KCNT2: variants seen among roughly 807,000 people sequenced by gnomAD.
The protein encoded by KCNT2 is potassium channel subfamily T member 2.
In KCNT2, 67 loss-of-function variants were observed where a neutral mutation model predicts 153.8. The ratio of observed to expected loss-of-function variants is 0.44; its 90% confidence interval spans 0.36 to 0.53. KCNT2 has a LOEUF of 0.53. KCNT2 is among the 20% of genes least tolerant of loss of function. The probability of loss-of-function intolerance (pLI) is 0.00; values close to 1 mark genes in which losing one functional copy is unlikely to be tolerated. For synonymous variants in KCNT2, 500 were observed against 458.8 expected (o/e 1.09, Z -1.15); for missense variants, 975 against 1,354.8 (o/e 0.72, Z 4.40).
intron 12 of KCNT2, among the ~76,000 whole-genome samples, chr1:196,417,983 C>T (rs1490817155): frequency 2.6e-5 from 4 of 151,950 alleles, no homozygotes; most frequent in African/African-American, 4.8e-5. Flanking sequence ...GACTGTAGTT[C>T]GATAATTTTT....
At chr1:196,345,396 C>CAG (rs138636310) in intron 14 of KCNT2, among the ~76,000 whole-genome samples, 7,540 of 152,138 alleles carry the variant, frequency 0.05, 280 homozygotes, top group Non-Finnish European at 0.071. Context: ...TTCCCTGAGA[C>CAG]AGTTAATGCT....
chr1:196,444,064 G>T (rs1430963669), intron 8 of KCNT2, among the ~76,000 whole-genome samples: 1 of 151,366 alleles, frequency 6.6e-6, no homozygotes, highest in African/African-American at 2.4e-5. Flanking sequence ...TTTAATGGTG[G>T]CTTACAGAAG....
intron 20 of KCNT2, chr1:196,317,057 T>C (rs1218154374): frequency 2.0e-5 from 4 of 203,690 alleles, no homozygotes; most frequent in Non-Finnish European, 2.1e-5. Context: ...CCTGAGGATC[T>C]TTTCCAAGTG....
At chr1:196,428,542 T>C (rs1673853340) in intron 9 of KCNT2, among the ~76,000 whole-genome samples, 1 of 152,104 alleles carries the variant, frequency 6.6e-6, no homozygotes, top group African/African-American at 2.4e-5. Flanking sequence ...TACCTCTGCT[T>C]TATGTCCAGT....
Position 196,435,153 on chromosome 1 carries a change from A to ATG in KCNT2, c.639-5397_639-5396insCA, listed in dbSNP as rs1484415216. ...TGTGTGTGTATGTATATATATATAT[A>ATG]TATATATATATATATATATATATAT... On this transcript the variant is annotated intron_variant, in intron 8 of 27. Coordinates refer to ENST00000294725, the MANE Select transcript of KCNT2 (RefSeq NM_198503.5). Among the ~76,000 whole-genome samples, 472 of 109,768 alleles carry ATG rather than the reference A, an allele frequency of 4.3e-3. 7 individuals are homozygous for ATG. Among genetic ancestry groups the ATG allele is most frequent in the Non-Finnish European group, 7.4e-3 (351 of 47,396 alleles). The allele number at this position is 109,768 out of a possible 152,430, so 72.0% of individuals were successfully genotyped here. A position where few individuals can be genotyped will look rare whatever the true frequency, so the allele number is the denominator to read the frequency against.
At chr1:196,242,584 A>C (rs1378210045) in intron 26 of KCNT2, among the ~76,000 whole-genome samples, 1 of 152,162 alleles carries the variant, frequency 6.6e-6, no homozygotes, top group Non-Finnish European at 1.5e-5. Context: ...TTTTATGATC[A>C]GTTGATAATT....
chr1:196,597,075 T>A (rs1157367774), intron 1 of KCNT2, among the ~76,000 whole-genome samples: 2 of 152,162 alleles, frequency 1.3e-5, no homozygotes, highest in Non-Finnish European at 2.9e-5. Flanking sequence ...AATTAGTTAG[T>A]CCAATATAGG....
intron 22 of KCNT2, among the ~76,000 whole-genome samples, chr1:196,300,654 G>T (rs1383984046): frequency 6.6e-6 from 1 of 152,052 alleles, no homozygotes; most frequent in East Asian, 1.9e-4. Flanking sequence ...TAATAATTCT[G>T]TACAGCTGTC....
intron 1 of KCNT2, among the ~76,000 whole-genome samples, chr1:196,596,996 G>A (rs1220142950): frequency 6.6e-6 from 1 of 152,054 alleles, no homozygotes; most frequent in Non-Finnish European, 1.5e-5. Context: ...CACCCACCCA[G>A]CCCTTACAAA....
chr1:196,425,892 G>T lies in KCNT2; in HGVS notation c.1081C>A (p.Gln361Lys), dbSNP rs1185400835. ...TCTTGATCTTTAAGGGCTGAACCTT[G>T]AAGGTAGATAACTCGTTGGGACCAC... Reference protein sequence around the residue: ...PMWSQRVIYLQGSALKDQDLL... With the variant: ...PMWSQRVIYLKGSALKDQDLL... The change falls in exon 11 of 28, where the codon CAA (glutamine) becomes AAA (lysine). Residue 361 changes from glutamine (Q) to lysine (K), a missense_variant. Physicochemically the swap from Gln to Lys is moderately conservative, Grantham distance 53 (BLOSUM62 1). This residue lies in a region of KCNT2 where 202 missense variants were observed against 314.9 expected (regional missense o/e 0.64). Transcript: ENST00000294725. 6.2e-7 allele frequency: 1 copy of T among 1,612,294 alleles called. No individual in the cohort carries two copies. The highest frequency in any genetic ancestry group is 1.7e-5 in the Admixed American group (1 of 59,884).
chr1:196,231,764 G>C (rs1168306785), intron 27 of KCNT2, among the ~76,000 whole-genome samples: 1 of 151,738 alleles, frequency 6.6e-6, no homozygotes, highest in Non-Finnish European at 1.5e-5. Context: ...ACAAAGGTAG[G>C]AAACAGGTAA....
chr1:196,606,822 T>C (rs1334498297), intron 1 of KCNT2, among the ~76,000 whole-genome samples: 2 of 152,208 alleles, frequency 1.3e-5, no homozygotes, highest in African/African-American at 4.8e-5. Context: ...CTACACTTAC[T>C]AAGCCATTTA....
intron 22 of KCNT2, among the ~76,000 whole-genome samples, chr1:196,298,405 A>G (rs901023247): frequency 3.3e-5 from 5 of 152,198 alleles, no homozygotes; most frequent in African/African-American, 1.2e-4. Flanking sequence ...CAGAACAACA[A>G]AAGCACTATG....
chr1:196,284,248 A>AAAAAAAAAAAAT, intron 23 of KCNT2, among the ~76,000 whole-genome samples: 2 of 10,048 alleles, frequency 2.0e-4, no homozygotes, highest in South Asian at 6.3e-3. Flanking sequence ...AAAAAAAAAA[A>AAAAAAAAAAAAT]ATATATATAT....
chr1:196,255,018 T>C (rs1478291767), intron 26 of KCNT2, among the ~76,000 whole-genome samples: 1 of 151,530 alleles, frequency 6.6e-6, no homozygotes. Flanking sequence ...GTACCTATTA[T>C]CAGCAGTCAC....
chr1:196,324,481 T>A (rs1663648321), intron 19 of KCNT2, among the ~76,000 whole-genome samples: 1 of 152,040 alleles, frequency 6.6e-6, no homozygotes. Flanking sequence ...CAGCTTTCAG[T>A]TTATTTAAAT....
intron 3 of KCNT2, among the ~76,000 whole-genome samples, chr1:196,484,529 A>T (rs557410267): frequency 6.6e-6 from 1 of 152,060 alleles, no homozygotes; most frequent in Non-Finnish European, 1.5e-5. Flanking sequence ...CTTTAGTTTA[A>T]TAAGATCCTG....
chr1:196,425,949 C>T lies in KCNT2; in HGVS notation c.1024G>A (p.Val342Ile), dbSNP rs1369891314. 2 of 1,612,042 alleles carry T rather than the reference C, an allele frequency of 1.2e-6. No individual in the cohort carries two copies. The highest frequency in any genetic ancestry group is 8.5e-7 in the Non-Finnish European group (1 of 1,178,680). The change falls in exon 11 of 28, where the codon GTA (valine) becomes ATA (isoleucine). Residue 342 changes from valine to isoleucine, a missense_variant. Around this residue, in one of 6 missense-constraint regions of KCNT2, gnomAD observed 202 missense variants for 314.9 expected, o/e 0.64. Transcript: ENST00000294725. Reference sequence around the variant, plus strand: ...ATCTGCAGTACCCTTCGAACCTGTACATCCATTTCAGTAGGACACAAAATC... The same window carrying T: ...ATCTGCAGTACCCTTCGAACCTGTATATCCATTTCAGTAGGACACAAAATC... ...VVILCPTEMD[V>I]QVRRVLQIPM...
intron 13 of KCNT2, among the ~76,000 whole-genome samples, chr1:196,376,024 A>G (rs1427347819): frequency 6.6e-6 from 1 of 151,866 alleles, no homozygotes; most frequent in Non-Finnish European, 1.5e-5. Flanking sequence ...TCTTAGGTCC[A>G]AATCCATCCT....
Sources: gnomAD v4.1 joint callset for allele counts (sites outside exome capture counted in the v4.1 genomes callset) on GRCh38, gnomAD v4.1.1 for gene constraint, gnomAD v4.1.1 regional missense constraint, MANE v1.5 for transcripts, NCBI Gene and HGNC (gene_info 2026-07-23, HGNC 2026-07-21) for gene names.